POLR1A: variants seen among roughly 807,000 people sequenced by gnomAD.
The protein encoded by POLR1A is RNA polymerase I subunit A.
In POLR1A, 84 loss-of-function variants were observed where a neutral mutation model predicts 205.3. That is an observed-to-expected ratio of 0.41 (90% CI 0.34 to 0.49). The LOEUF (loss-of-function observed/expected upper bound fraction) is 0.49. Ranked by LOEUF, POLR1A falls within the 20% of genes least tolerant of loss-of-function variation. The pLI is 0.22. For missense variants in POLR1A, 1,645 were observed against 2,204.5 expected, an observed-to-expected ratio of 0.75 and a Z score of 5.08; for synonymous variants, 799 against 863.7, an observed-to-expected ratio of 0.93 and a Z score of 1.31.
chr2:86,027,484 A>G lies in POLR1A; in HGVS notation c.5102T>C (p.Val1701Ala). The G allele has an allele frequency of 3.7e-6, 6 of 1,614,158 alleles. No homozygotes were observed. The highest frequency in any genetic ancestry group is 5.1e-6 in the Non-Finnish European group (6 of 1,180,030). Residue 1701 changes from valine to alanine, a missense_variant, in exon 34 of 34, where the codon GTG (valine) becomes GCG (alanine). Val to Ala is a moderately conservative substitution (Grantham distance 64). Around this residue, in one of 16 missense-constraint regions of POLR1A, gnomAD observed 86 missense variants for 149.8 expected, o/e 0.57. Transcript: ENST00000263857. ...DELRSPSACL[V>A]VGKVVRGGTG... ...CCCGCCCCTGACGACCTTCCCGACCACAAGGCAGGCAGAAGGAGACCTCAG... is the reference window on the plus strand; with the variant it reads ...CCCGCCCCTGACGACCTTCCCGACCGCAAGGCAGGCAGAAGGAGACCTCAG...
intron 14 of POLR1A, among the ~76,000 whole-genome samples, chr2:86,057,396 T>C (rs1048610970): frequency 1.3e-5 from 2 of 152,340 alleles, no homozygotes; most frequent in African/African-American, 2.4e-5. Context: ...TGAAAAATAG[T>C]TTGCAAGTTC....
chr2:86,031,952 G>A (rs1183547258), intron 29 of POLR1A, among the ~76,000 whole-genome samples: 1 of 152,194 alleles, frequency 6.6e-6, no homozygotes, highest in African/African-American at 2.4e-5. Context: ...TGGGAGGAGA[G>A]AGAGGTATAT....
chr2:86,028,078 G>A lies in POLR1A; in HGVS notation c.4898-29C>T, dbSNP rs772865694. On this transcript the variant is annotated intron_variant, in intron 32 of 33. Coordinates refer to ENST00000263857, the MANE Select transcript of POLR1A (RefSeq NM_015425.6). This position sits in a 1 kb window ranked among gnomAD's most constrained non-coding sequence, Gnocchi z 4.5. ...TCAAACGGGAGGTAAAATTAGGAGG[G>A]ATTAAGCAGTGACCACGGGAGCAGT... is the stretch of plus-strand genomic sequence containing the variant. 1.1e-5 allele frequency: 18 copies of A among 1,611,476 alleles called. No homozygotes were observed. Among genetic ancestry groups the A allele is most frequent in the Non-Finnish European group, 1.2e-5 (14 of 1,177,848 alleles).
intron 10 of POLR1A, 21 bp from the exon 11 acceptor site, chr2:86,078,002 A>G: frequency 1.9e-6 from 3 of 1,613,896 alleles, no homozygotes; most frequent in Non-Finnish European, 2.5e-6. Flanking sequence ...AAAAAAGGTC[A>G]TAAAAAACAT....
At chr2:86,052,714 GGA>G in intron 16 of POLR1A, 101 bp downstream of exon 16, 1 of 943,784 alleles carries the variant, frequency 1.1e-6, no homozygotes, top group South Asian at 2.1e-5. Flanking sequence ...CAGAAGCCTT[GGA>G]AATCTTCAGT....
rs114098905 is a variant in POLR1A at position 86,045,032 on chromosome 2, A to C, written c.2969+246T>G. Reference sequence around the variant, plus strand: ...GCCCAAGACCTTCTCCCACAGCCATAGCTTCCCCCAGGGAATGGCAGACCC... The same window carrying C: ...GCCCAAGACCTTCTCCCACAGCCATCGCTTCCCCCAGGGAATGGCAGACCC... On this transcript the variant is annotated intron_variant, in intron 21 of 33. Transcript: ENST00000263857. 6.2e-3 allele frequency among the ~76,000 whole-genome samples: 944 copies of C among 152,272 alleles called. 7 individuals carry two copies. Among genetic ancestry groups the C allele is most frequent in the Middle Eastern group, 0.02 (6 of 294 alleles).
intron 9 of POLR1A, among the ~76,000 whole-genome samples, chr2:86,079,330 C>T (rs1341308956): frequency 1.3e-5 from 2 of 152,220 alleles, no homozygotes; most frequent in African/African-American, 4.8e-5. Context: ...CATTACCTGG[C>T]TCAAGACCAG....
chr2:86,033,334 T>G (rs1316090482), intron 28 of POLR1A, among the ~76,000 whole-genome samples: 1 of 152,240 alleles, frequency 6.6e-6, no homozygotes, highest in Non-Finnish European at 1.5e-5. Context: ...AAAAGAACTT[T>G]CAAAGGCTCA....
chr2:86,093,608 G>A (rs1177357951), intron 3 of POLR1A, among the ~76,000 whole-genome samples: 4 of 152,228 alleles, frequency 2.6e-5, no homozygotes, highest in South Asian at 2.1e-4. Flanking sequence ...CAGGTGGATC[G>A]CTTGAGGTCA....
Position 86,032,520 on chromosome 2 carries a change from C to T in POLR1A, c.4162-138G>A, listed in dbSNP as rs1385394342. 8 of 675,394 alleles carry T rather than the reference C, an allele frequency of 1.2e-5. No individual in the cohort carries two copies. The South Asian group carries it at 1.4e-4, about 12-fold the overall frequency. The allele number at this position is 675,394 out of a possible 1,614,324, so 41.8% of individuals were successfully genotyped here. A position where few individuals can be genotyped will look rare whatever the true frequency, so the allele number is the denominator to read the frequency against. ...CTTCTCCCATCCAGCCACCACCCTC[C>T]ATCCACTGCCACCCAACCCAACCCG... On this transcript the variant is annotated intron_variant, in intron 28 of 33. Coordinates refer to ENST00000263857, the MANE Select transcript of POLR1A (RefSeq NM_015425.6).
Position 86,026,515 on chromosome 2 carries a change from G to C in POLR1A, c.*908C>G, listed in dbSNP as rs941264608. 6.6e-6 allele frequency: 1 copy of C among 152,272 alleles called. No individual in the cohort carries two copies. The highest frequency in any genetic ancestry group is 1.5e-5 in the Non-Finnish European group (1 of 68,076). 9.4% of individuals were successfully genotyped at this position (152,272 alleles called of 1,614,324 possible). A position where few individuals can be genotyped will look rare whatever the true frequency, so the allele number is the denominator to read the frequency against. ...GGAAATGTATTGCTGGTGCTAGAGGGAGAGGAAACGTGGACGGCCAAGAAC... is the reference window on the plus strand; with the variant it reads ...GGAAATGTATTGCTGGTGCTAGAGGCAGAGGAAACGTGGACGGCCAAGAAC... On this transcript the variant is annotated 3_prime_UTR_variant, in exon 34 of 34. Transcript: ENST00000263857.
At position 86,040,522 on chromosome 2, in the gene POLR1A, G is replaced by A; in HGVS notation, c.3610C>T (p.Leu1204=). ...CCCACAGCCTCGCCCGGCTCACACA[G>A]TGAGCGCTGCCACTTCAGCTGCAGC... is the stretch of plus-strand genomic sequence containing the variant. The part of the protein sequence containing the change: ...TLLQLKWQRS[L]CEPGEAVGLL... The change falls in exon 25 of 34, where the codon CTG becomes TTG. Residue 1204 remains leucine, a synonymous_variant. Transcript: ENST00000263857. The A allele has an allele frequency of 6.2e-7, 1 of 1,604,678 alleles. No homozygotes were observed. The highest frequency in any genetic ancestry group is 8.5e-7 in the Non-Finnish European group (1 of 1,175,530).
intron 13 of POLR1A, among the ~76,000 whole-genome samples, chr2:86,068,399 C>CG (rs1387908201): frequency 1.2e-4 from 2 of 17,082 alleles, no homozygotes; most frequent in African/African-American, 2.4e-4. Flanking sequence ...GGGGGGGGGG[C>CG]GGGTGTCGTC....
chr2:86,083,190 A>G, intron 6 of POLR1A, 22 bp from the exon 7 acceptor site: 1 of 1,528,548 alleles, frequency 6.5e-7, no homozygotes, highest in South Asian at 1.1e-5. Context: ...GAGGAGAATC[A>G]AAGTGCAATA....
intron 3 of POLR1A, among the ~76,000 whole-genome samples, chr2:86,097,018 A>T (rs889014732): frequency 6.6e-6 from 1 of 152,046 alleles, no homozygotes; most frequent in Non-Finnish European, 1.5e-5. Context: ...AAACATCTCA[A>T]CAGCAAAAAT....
At chr2:86,060,788 C>T (rs1304799050) in intron 14 of POLR1A, among the ~76,000 whole-genome samples, 1 of 152,138 alleles carries the variant, frequency 6.6e-6, no homozygotes, top group Non-Finnish European at 1.5e-5. Context: ...AGGCAAAGAG[C>T]TCCTACAGGA....
At chr2:86,102,328 C>A (rs959756605) in intron 1 of POLR1A, among the ~76,000 whole-genome samples, 2 of 152,180 alleles carry the variant, frequency 1.3e-5, no homozygotes, top group Admixed American at 6.5e-5. Context: ...GATAGTAGCA[C>A]CCTACTGGAT....
rs1384063154 is a variant in POLR1A at position 86,049,211 on chromosome 2, T to G, written c.2424A>C (p.Ala808=). 1.2e-6 allele frequency: 2 copies of G among 1,614,078 alleles called. No individual in the cohort carries two copies. The highest frequency in any genetic ancestry group is 4.5e-5 in the East Asian group (2 of 44,886). Residue 808 remains alanine (A), a synonymous_variant, in exon 17 of 34, where the codon GCA becomes GCC. Coordinates refer to ENST00000263857, the MANE Select transcript of POLR1A (RefSeq NM_015425.6). ...GVEDILVKPK[A]DVKRQRIIEE... ...CAATGATACGTTGCCTCTTGACATC[T>G]GCCTTTGGCTTCACCAAAATGTCTT...
rs139969561 is a variant in POLR1A, at chr2:86,073,913, A to T, written c.1611+1117T>A. Among the ~76,000 whole-genome samples, 5 of 152,354 alleles carry T rather than the reference A, an allele frequency of 3.3e-5. No homozygotes were observed. The East Asian group carries it at 9.6e-4, about 29-fold the overall frequency. ...CCTTGCTTCTTTTTGCATTGCTCACACAGTGCCTAGCGAAACACCAGGCAC... is the reference window on the plus strand; with the variant it reads ...CCTTGCTTCTTTTTGCATTGCTCACTCAGTGCCTAGCGAAACACCAGGCAC... On this transcript the variant is annotated intron_variant, in intron 12 of 33. Transcript: ENST00000263857.
Sources: gnomAD v4.1 joint callset for allele counts (sites outside exome capture counted in the v4.1 genomes callset) on GRCh38, gnomAD v4.1.1 for gene constraint, gnomAD v4.1.1 regional missense constraint, Gnocchi (gnomAD v3.1) non-coding constraint, MANE v1.5 for transcripts, NCBI Gene and HGNC (gene_info 2026-07-23, HGNC 2026-07-21) for gene names.